Variants in LUZP2 observed in about 807,000 individuals in gnomAD.
LUZP2 encodes leucine zipper protein 2.
A neutral mutation model predicts 51.6 loss-of-function variants in LUZP2; 52 were observed. The ratio of observed to expected loss-of-function variants is 1.01; its 90% confidence interval spans 0.81 to 1.27. The LOEUF (loss-of-function observed/expected upper bound fraction) is 1.27. Among genes scored for constraint, LUZP2 ranks in the 50% most tolerant of loss-of-function variants. The probability of loss-of-function intolerance (pLI) is 0.00; values close to 1 mark genes in which losing one functional copy is unlikely to be tolerated. For synonymous variants in LUZP2, 154 were observed against 137.3 expected, an observed-to-expected ratio of 1.12 and a Z score of -0.85; for missense variants, 436 against 395.4, an observed-to-expected ratio of 1.10 and a Z score of -0.87.
chr11:24,536,288 C>T (rs905431831), intron 1 of LUZP2, among the ~76,000 whole-genome samples: 3 of 151,772 alleles, frequency 2.0e-5, no homozygotes, highest in Non-Finnish European at 4.4e-5. Context: ...AGTCAGCCAG[C>T]CTTTTGAATC....
At chr11:24,623,916 C>T (rs1400456403) in intron 1 of LUZP2, among the ~76,000 whole-genome samples, 1 of 152,160 alleles carries the variant, frequency 6.6e-6, no homozygotes, top group Non-Finnish European at 1.5e-5. Context: ...TGCTGTCTTA[C>T]ATTCATCCAT....
At chr11:24,971,651 T>A (rs1027730755) in intron 7 of LUZP2, among the ~76,000 whole-genome samples, 1 of 152,082 alleles carries the variant, frequency 6.6e-6, no homozygotes, top group Non-Finnish European at 1.5e-5. Context: ...TAAAAAAAAA[T>A]TATAAAAAAT....
chr11:24,606,554 G>A (rs964757163), intron 1 of LUZP2, among the ~76,000 whole-genome samples: 2 of 151,924 alleles, frequency 1.3e-5, no homozygotes, highest in African/African-American at 4.8e-5. Context: ...TTCCAAAGAT[G>A]CTTAGGTGTT....
At chr11:24,925,341 G>A (rs747924470) in intron 7 of LUZP2, among the ~76,000 whole-genome samples, 8 of 152,082 alleles carry the variant, frequency 5.3e-5, no homozygotes, top group East Asian at 1.9e-4. Context: ...AATGCCCTTG[G>A]CCAAAAGGAA....
intron 5 of LUZP2, among the ~76,000 whole-genome samples, chr11:24,772,773 A>G (rs1204426130): frequency 1.3e-5 from 2 of 152,222 alleles, no homozygotes; most frequent in East Asian, 3.9e-4. Context: ...CTGGCAATCC[A>G]TGTCACTCTT....
intron 5 of LUZP2, among the ~76,000 whole-genome samples, chr11:24,791,148 C>G (rs1189691128): frequency 6.6e-6 from 1 of 152,038 alleles, no homozygotes; most frequent in Non-Finnish European, 1.5e-5. Flanking sequence ...TTGTTGACAC[C>G]TTTCTTTTTC....
intron 9 of LUZP2, among the ~76,000 whole-genome samples, chr11:24,995,891 C>T (rs1471392445): frequency 6.6e-6 from 1 of 151,852 alleles, no homozygotes; most frequent in Non-Finnish European, 1.5e-5. Context: ...AAAAGTCATT[C>T]TAAATTCAGT....
intron 9 of LUZP2, among the ~76,000 whole-genome samples, chr11:25,036,837 AT>A (rs973569506): frequency 1.1e-4 from 17 of 152,098 alleles, no homozygotes; most frequent in African/African-American, 3.9e-4. Context: ...GTATAATTTC[AT>A]TTTTAAAAAA....
intron 9 of LUZP2, among the ~76,000 whole-genome samples, chr11:25,021,193 T>C (rs914358990): frequency 1.3e-5 from 2 of 151,988 alleles, no homozygotes; most frequent in Non-Finnish European, 2.9e-5. Flanking sequence ...ACAAAATCTA[T>C]GAAAGCACAA....
At chr11:24,811,309 G>C (rs550768134) in intron 5 of LUZP2, among the ~76,000 whole-genome samples, 2 of 152,052 alleles carry the variant, frequency 1.3e-5, no homozygotes, top group East Asian at 3.9e-4. Context: ...CACTTTTACC[G>C]GTTTTGCTCT....
intron 7 of LUZP2, among the ~76,000 whole-genome samples, chr11:24,964,400 T>C (rs1855520634): frequency 6.6e-6 from 1 of 152,178 alleles, no homozygotes. Context: ...TATAGTAATA[T>C]AGAAACAGCA....
intron 5 of LUZP2, among the ~76,000 whole-genome samples, chr11:24,856,967 G>A (rs1019411261): frequency 1.3e-5 from 2 of 151,930 alleles, no homozygotes; most frequent in African/African-American, 4.8e-5. Context: ...GTTGAGGGAT[G>A]AGAAATTACT....
In LUZP2 at chr11:25,070,770, GGTGTGTGTGTGTGTGT is replaced by G. The variant is rs67504954; in HGVS notation, c.859-6528_859-6513del. 3.8e-3 allele frequency among the ~76,000 whole-genome samples: 536 copies of G among 141,384 alleles called. 3 individuals are homozygous for G. Among genetic ancestry groups the G allele is most frequent in the African/African-American group, 0.013 (510 of 37,928 alleles). 92.8% of individuals were successfully genotyped at this position (141,384 alleles called of 152,430 possible). On this transcript the variant is annotated intron_variant, in intron 10 of 11. Transcript: ENST00000336930. The stretch of plus-strand genomic sequence containing the variant: ...AATGGCATTGTGAATGACTGTGTAT[GGTGTGTGTGTGTGTGT>G]GTGTGTGTGTGTGTGTGTGTGTGTG...
At chr11:24,929,680 G>C (rs1293000448) in intron 7 of LUZP2, among the ~76,000 whole-genome samples, 1 of 152,058 alleles carries the variant, frequency 6.6e-6, no homozygotes, top group East Asian at 1.9e-4. Context: ...CCAATGAATA[G>C]AGTATATATT....
chr11:24,522,410 T>C (rs1850670037), intron 1 of LUZP2, among the ~76,000 whole-genome samples: 2 of 152,116 alleles, frequency 1.3e-5, no homozygotes, highest in Non-Finnish European at 2.9e-5. Context: ...CATCTAATTA[T>C]GCAATGCAAA....
intron 9 of LUZP2, among the ~76,000 whole-genome samples, chr11:25,024,671 C>T (rs1286062575): frequency 6.6e-6 from 1 of 152,092 alleles, no homozygotes; most frequent in Non-Finnish European, 1.5e-5. Flanking sequence ...GAAGAACATT[C>T]CATGCTCATG....
At chr11:24,720,804 T>A (rs1324612433) in intron 1 of LUZP2, among the ~76,000 whole-genome samples, 3 of 152,176 alleles carry the variant, frequency 2.0e-5, no homozygotes, top group African/African-American at 7.2e-5. Context: ...GTTCACGCCA[T>A]TGTCCTGCCT....
chr11:24,711,477 A>G (rs1409426622), intron 1 of LUZP2, among the ~76,000 whole-genome samples: 1 of 151,512 alleles, frequency 6.6e-6, no homozygotes, highest in East Asian at 1.9e-4. Flanking sequence ...AAATAAATAA[A>G]TAAATAAATA....
chr11:24,784,054 C>G (rs965632010), intron 5 of LUZP2, among the ~76,000 whole-genome samples: 2 of 151,880 alleles, frequency 1.3e-5, no homozygotes, highest in Middle Eastern at 3.2e-3. Context: ...AAATACACCC[C>G]TAGACACGGA....
Sources: allele counts gnomAD v4.1 joint callset (sites outside exome capture counted in the v4.1 genomes callset), GRCh38; gene constraint gnomAD v4.1.1; transcripts MANE v1.5; gene names NCBI Gene and HGNC (gene_info 2026-07-23, HGNC 2026-07-21).